The following FRMD6 variants were observed in gnomAD, a reference collection of about 807,000 sequenced individuals.
FRMD6 encodes FERM domain containing 6.
FRMD6 carries 37 observed loss-of-function variants against 73.2 expected under a neutral mutation model. The observed-to-expected ratio is 0.51, with a 90% CI of 0.39 to 0.66. The LOEUF (loss-of-function observed/expected upper bound fraction) is 0.66, where lower values mean the gene tolerates loss of function less well. Among genes scored for constraint, FRMD6 ranks in the 30% least tolerant of loss-of-function variants. The pLI is 0.00. For missense variants in FRMD6, 714 were observed against 780.5 expected (o/e 0.91, Z 1.02); for synonymous variants, 273 against 282.2 (o/e 0.97, Z 0.33).
chr14:51,419,226 C>T, the FRMD6 span, among the ~76,000 whole-genome samples: 77 of 152,340 alleles, frequency 5.1e-4, 1 homozygote, highest in Non-Finnish European at 9.1e-4. Flanking sequence ...CCAGGTACCT[C>T]AGTTGGAAAT....
At position 51,602,527 on chromosome 14, in the gene FRMD6, T is replaced by C. The variant is rs534715081; in HGVS notation, c.-147+32117T>C. On this transcript the variant is annotated intron_variant, in intron 2 of 14. Transcript: ENST00000356218. ...CATGAAAATTATATGAGAATCACATTTCAGGGTCTATAAATAAAATTTTGT... is the reference window on the plus strand; with the variant it reads ...CATGAAAATTATATGAGAATCACATCTCAGGGTCTATAAATAAAATTTTGT... Among the ~76,000 whole-genome samples the C allele has an allele frequency of 6.6e-5, 10 of 152,358 alleles. No homozygotes were observed. The South Asian group carries it at 1.0e-3, about 16-fold the overall frequency.
chr14:51,726,436 T>G (rs1897956703), intron 13 of FRMD6, among the ~76,000 whole-genome samples: 1 of 152,176 alleles, frequency 6.6e-6, no homozygotes, highest in African/African-American at 2.4e-5. Flanking sequence ...CTGCCTTTCT[T>G]TCTTGGGCTC....
At chr14:51,603,706 C>A (rs542653780) in intron 2 of FRMD6, among the ~76,000 whole-genome samples, 11 of 152,106 alleles carry the variant, frequency 7.2e-5, no homozygotes, top group Non-Finnish European at 1.0e-4. Context: ...TCACTAGTTA[C>A]GTAACCTGGA....
Position 51,539,886 on chromosome 14 carries a change from C to A in FRMD6, c.-209-30462C>A, listed in dbSNP as rs950342152. 2.6e-5 allele frequency among the ~76,000 whole-genome samples: 4 copies of A among 152,138 alleles called. No individual in the cohort carries two copies. The East Asian group carries it at 7.7e-4, about 29-fold the overall frequency. ...GGAGTTGAAAAGATTCATTTACTTT[C>A]CTTACCAAATTAGTTCACTCTAACA... On this transcript the variant is annotated intron_variant, in intron 1 of 14. Transcript: ENST00000356218.
the FRMD6 span, among the ~76,000 whole-genome samples, chr14:51,462,055 GGAAA>G: frequency 6.3e-3 from 957 of 151,458 alleles, 11 homozygotes; most frequent in African/African-American, 0.022. Context: ...GAGGAAGGAA[GGAAA>G]GAAAGAAGGA....
intron 13 of FRMD6, 66 bp downstream of exon 13, chr14:51,725,936 T>TA (rs1382865178): frequency 1.8e-6 from 2 of 1,111,604 alleles, no homozygotes; most frequent in African/African-American, 1.6e-5. Flanking sequence ...AGTAGTAACT[T>TA]ACATTTATAC....
At chr14:51,661,877 A>C (rs1259320443) in intron 1 of FRMD6, among the ~76,000 whole-genome samples, 1 of 152,216 alleles carries the variant, frequency 6.6e-6, no homozygotes, top group African/African-American at 2.4e-5. Context: ...ATGTGGGTAC[A>C]TTTTAATATG....
At chr14:51,627,108 T>C (rs1891146463) in intron 2 of FRMD6, among the ~76,000 whole-genome samples, 1 of 152,220 alleles carries the variant, frequency 6.6e-6, no homozygotes, top group Admixed American at 6.5e-5. Flanking sequence ...ACCACCACTA[T>C]TACAAGTGTA....
At chr14:51,509,728 G>A (rs1210083763) in intron 1 of FRMD6, among the ~76,000 whole-genome samples, 3 of 151,948 alleles carry the variant, frequency 2.0e-5, no homozygotes, top group African/African-American at 7.2e-5. Context: ...CTGGGTTCAA[G>A]CGATTCTCCT....
chr14:51,533,402 T>C (rs1452107900), intron 1 of FRMD6, among the ~76,000 whole-genome samples: 1 of 152,218 alleles, frequency 6.6e-6, no homozygotes, highest in African/African-American at 2.4e-5. Context: ...TACACTTGTA[T>C]GAGTTGTCCT....
chr14:51,547,129 A>T (rs563007234), intron 1 of FRMD6, among the ~76,000 whole-genome samples: 2 of 152,204 alleles, frequency 1.3e-5, no homozygotes, highest in Non-Finnish European at 2.9e-5. Flanking sequence ...GCATTTAAAA[A>T]TTCCACAGTG....
chr14:51,519,931 C>T (rs7155026), intron 1 of FRMD6, among the ~76,000 whole-genome samples: 8,032 of 152,230 alleles, frequency 0.053, 410 homozygotes, highest in African/African-American at 0.13. Flanking sequence ...ATTCACTCCA[C>T]GCATTAGCAA....
At chr14:51,406,875 T>C in the FRMD6 span, among the ~76,000 whole-genome samples, 488 of 152,310 alleles carry the variant, frequency 3.2e-3, 5 homozygotes, top group Middle Eastern at 0.01. Context: ...TTTTTAATGC[T>C]ATTATAAATA....
chr14:51,715,174 G>A (rs909998211), intron 9 of FRMD6, 151 bp from the exon 10 acceptor site: 30 of 625,446 alleles, frequency 4.8e-5, no homozygotes, highest in Non-Finnish European at 6.4e-5. Flanking sequence ...ATTTTTGAAA[G>A]GAAAAACAAT....
chr14:51,422,475 A>T, the FRMD6 span, among the ~76,000 whole-genome samples: 2 of 152,230 alleles, frequency 1.3e-5, no homozygotes, highest in Non-Finnish European at 2.9e-5. Flanking sequence ...TACAATATTG[A>T]TTACAAATTG....
At chr14:51,652,882 CG>C (rs1892531441) in intron 1 of FRMD6, among the ~76,000 whole-genome samples, 1 of 152,236 alleles carries the variant, frequency 6.6e-6, no homozygotes, top group Admixed American at 6.5e-5. Context: ...CCTAATGGTG[CG>C]GGCGTTTTCT....
At chr14:51,478,556 A>T in the FRMD6 span, among the ~76,000 whole-genome samples, 1 of 152,226 alleles carries the variant, frequency 6.6e-6, no homozygotes, top group Non-Finnish European at 1.5e-5. Context: ...TTTGTTAAGC[A>T]TTGATCTGAA....
At chr14:51,643,033 T>G (rs751912143) in intron 2 of FRMD6, among the ~76,000 whole-genome samples, 15 of 152,094 alleles carry the variant, frequency 9.9e-5, no homozygotes, top group Non-Finnish European at 2.1e-4. Flanking sequence ...CCTGACCAAG[T>G]CTGTACCAGA....
intron 3 of FRMD6, among the ~76,000 whole-genome samples, chr14:51,699,216 C>T (rs936648504): frequency 1.3e-5 from 2 of 152,072 alleles, no homozygotes; most frequent in African/African-American, 4.8e-5. Context: ...GGGAACACAT[C>T]AGGACCTTGT....
Sources: allele counts gnomAD v4.1 joint callset (sites outside exome capture counted in the v4.1 genomes callset), GRCh38; gene constraint gnomAD v4.1.1; transcripts MANE v1.5; gene names NCBI Gene and HGNC (gene_info 2026-07-23, HGNC 2026-07-21).